PTPRG: variants seen among roughly 807,000 people sequenced by gnomAD.
PTPRG encodes the protein protein tyrosine phosphatase receptor type G.
Under a neutral mutation model 165.3 loss-of-function variants are expected in PTPRG, and 102 were observed. The observed-to-expected ratio is 0.62, with a 90% CI of 0.53 to 0.73. The LOEUF is 0.73. Ranked by LOEUF, PTPRG falls within the 30% of genes least tolerant of loss-of-function variation. PTPRG has a pLI of 0.00. For synonymous variants in PTPRG, 675 were observed against 669.5 expected, an observed-to-expected ratio of 1.01 and a Z score of -0.13; for missense variants, 1,866 against 1,861.4, an observed-to-expected ratio of 1.00 and a Z score of -0.05.
At chr3:61,699,386 T>G (rs992476123) in intron 1 of PTPRG, among the ~76,000 whole-genome samples, 1 of 152,142 alleles carries the variant, frequency 6.6e-6, no homozygotes, top group Non-Finnish European at 1.5e-5. Flanking sequence ...ATATTATAAG[T>G]CATATTGTCT....
At chr3:62,020,110 T>G (rs1474336656) in intron 4 of PTPRG, among the ~76,000 whole-genome samples, 1 of 152,036 alleles carries the variant, frequency 6.6e-6, no homozygotes, top group Non-Finnish European at 1.5e-5. Flanking sequence ...ACTCATTTCC[T>G]TCCAGTACTT....
chr3:62,014,626 C>T lies in PTPRG; in HGVS notation c.519+11129C>T, dbSNP rs531224441. On this transcript the variant is annotated intron_variant, in intron 4 of 29. Transcript: ENST00000474889. ...TTCATGCCTCTGTGTTCAGCATGCC[C>T]TGATTAGGGAAGACTTGGAGTGAGA... Among the ~76,000 whole-genome samples, 4 of 152,220 alleles carry T rather than the reference C, an allele frequency of 2.6e-5. No individual in the cohort carries two copies. In the South Asian group the frequency reaches 8.3e-4, roughly 32 times the overall value.
intron 1 of PTPRG, among the ~76,000 whole-genome samples, chr3:61,675,870 A>C: frequency 1.3e-5 from 2 of 152,282 alleles, no homozygotes; most frequent in South Asian, 4.1e-4. Flanking sequence ...CCAGATCTAC[A>C]CATTCACACC....
At chr3:61,896,456 A>G (rs981223748) in intron 2 of PTPRG, among the ~76,000 whole-genome samples, 5 of 152,226 alleles carry the variant, frequency 3.3e-5, no homozygotes, top group Non-Finnish European at 2.9e-5. Context: ...TCACTTATTG[A>G]AGGATATCTG....
At chr3:61,769,945 C>T (rs1022465747) in intron 2 of PTPRG, 1 of 151,940 alleles carries the variant, frequency 6.6e-6, no homozygotes, top group African/African-American at 2.4e-5. Context: ...TGCTGTAGAA[C>T]GTGCAAGAAA....
chr3:61,759,858 C>G (rs948121161), intron 2 of PTPRG, among the ~76,000 whole-genome samples: 3 of 151,610 alleles, frequency 2.0e-5, no homozygotes, highest in Non-Finnish European at 4.4e-5. Context: ...TTTAACATCT[C>G]TCTGTCACTT....
chr3:61,910,609 A>G (rs2038777390), intron 2 of PTPRG, among the ~76,000 whole-genome samples: 1 of 152,134 alleles, frequency 6.6e-6, no homozygotes, highest in African/African-American at 2.4e-5. Flanking sequence ...TGTTTAAGAA[A>G]TTGAGAGTGA....
chr3:61,901,266 A>T (rs2107521559), intron 2 of PTPRG, among the ~76,000 whole-genome samples: 1 of 152,356 alleles, frequency 6.6e-6, no homozygotes, highest in South Asian at 2.1e-4. Context: ...ATAACACAGT[A>T]TGATGCTTTG....
chr3:61,741,037 C>T (rs2032962324), intron 1 of PTPRG, among the ~76,000 whole-genome samples: 1 of 152,098 alleles, frequency 6.6e-6, no homozygotes, highest in African/African-American at 2.4e-5. Context: ...AGAGGTTGAT[C>T]AGAATATTTA....
intron 2 of PTPRG, among the ~76,000 whole-genome samples, chr3:61,903,670 G>A (rs548647242): frequency 2.6e-5 from 4 of 152,130 alleles, no homozygotes; most frequent in African/African-American, 7.2e-5. Context: ...CACCGTGCCC[G>A]GGCCTGGCTG....
chr3:62,024,418 A>G (rs538129035), intron 4 of PTPRG, among the ~76,000 whole-genome samples: 1 of 152,334 alleles, frequency 6.6e-6, no homozygotes, highest in Non-Finnish European at 1.5e-5. Flanking sequence ...AGAAAAAGGA[A>G]TAGAGCATAC....
At chr3:62,130,497 T>C (rs990646783) in intron 5 of PTPRG, among the ~76,000 whole-genome samples, 3 of 152,200 alleles carry the variant, frequency 2.0e-5, no homozygotes, top group African/African-American at 2.4e-5. Context: ...TGTGGCCATT[T>C]TGTCATTTCT....
chr3:61,593,672 G>A (rs965923795), intron 1 of PTPRG, among the ~76,000 whole-genome samples: 1 of 148,632 alleles, frequency 6.7e-6, no homozygotes, highest in Admixed American at 6.7e-5. Flanking sequence ...CATTTTTAAT[G>A]AGGAGAGAAG....
At position 62,037,836 on chromosome 3, in the gene PTPRG, C is replaced by T. The variant is rs375661416; in HGVS notation, c.519+34339C>T. 3.9e-5 allele frequency among the ~76,000 whole-genome samples: 6 copies of T among 152,256 alleles called. No homozygotes were observed. The South Asian group carries it at 1.2e-3, about 32-fold the overall frequency. The stretch of plus-strand genomic sequence containing the variant: ...GGGGAGACAGCAAGTTCTTTGCTGT[C>T]TCTTCTTATAAAGGTGCTAATCCCA... On this transcript the variant is annotated intron_variant, in intron 4 of 29. Transcript: ENST00000474889.
chr3:62,063,334 A>G (rs1482568927), intron 4 of PTPRG, among the ~76,000 whole-genome samples: 1 of 152,168 alleles, frequency 6.6e-6, no homozygotes, highest in Non-Finnish European at 1.5e-5. Context: ...TCTTTTTACC[A>G]CTAAAGCCTT....
At position 62,121,801 on chromosome 3, in the gene PTPRG, A is replaced by G. The variant is rs947178189; in HGVS notation, c.616-10801A>G. On this transcript the variant is annotated intron_variant, in intron 5 of 29. Coordinates refer to ENST00000474889, the MANE Select transcript of PTPRG (RefSeq NM_002841.4). ...AGACTACATGCTCTATGAAGAAATC[A>G]TATTATTTTCTCAGAGGAGAGAGAG... Among the ~76,000 whole-genome samples the G allele has an allele frequency of 7.2e-5, 11 of 152,222 alleles. 1 individual carries two copies. The highest frequency in any genetic ancestry group is 5.9e-4 in the Admixed American group (9 of 15,288).
chr3:62,127,605 G>A (rs1703344669), intron 5 of PTPRG, among the ~76,000 whole-genome samples: 1 of 152,182 alleles, frequency 6.6e-6, no homozygotes, highest in Admixed American at 6.5e-5. Flanking sequence ...GAGGATATCG[G>A]CTGGATGTGA....
chr3:61,589,698 G>T (rs1700520317), intron 1 of PTPRG, among the ~76,000 whole-genome samples: 1 of 152,118 alleles, frequency 6.6e-6, no homozygotes, highest in Admixed American at 6.6e-5. Flanking sequence ...CTTGTCCGTT[G>T]CTGTATGCTT....
At chr3:62,110,320 G>C (rs778881217) in intron 5 of PTPRG, among the ~76,000 whole-genome samples, 26 of 151,996 alleles carry the variant, frequency 1.7e-4, no homozygotes, top group Non-Finnish European at 2.2e-4. Flanking sequence ...CTACCAACTT[G>C]TGACCAACAG....
Sources: gnomAD v4.1 joint callset for allele counts (sites outside exome capture counted in the v4.1 genomes callset) on GRCh38, gnomAD v4.1.1 for gene constraint, MANE v1.5 for transcripts, NCBI Gene and HGNC (gene_info 2026-07-23, HGNC 2026-07-21) for gene names.